SLC10A7: variants seen among roughly 807,000 people sequenced by gnomAD.
The protein encoded by SLC10A7 is solute carrier family 10 member 7.
A neutral mutation model predicts 43.2 loss-of-function variants in SLC10A7; 29 were observed. The ratio of observed to expected loss-of-function variants is 0.67; its 90% CI spans 0.50 to 0.92. SLC10A7 has a LOEUF of 0.92. Among genes scored for constraint, SLC10A7 ranks in the 40% least tolerant of loss-of-function variants. The pLI, the probability that SLC10A7 is intolerant of heterozygous loss-of-function variation, is 0.00. For missense variants in SLC10A7, 295 were observed against 403.2 expected (o/e 0.73, Z 2.30); for synonymous variants, 152 against 144.8 (o/e 1.05, Z -0.35).
intron 5 of SLC10A7, 93 bp from the exon 6 acceptor site, chr4:146,326,089 A>G (rs910266565): frequency 5.0e-6 from 5 of 1,003,872 alleles, no homozygotes; most frequent in Admixed American, 2.3e-5. Context: ...AGGAGTGCTT[A>G]TCTTCTCACT....
chr4:146,298,168 A>G (rs1335805896), intron 7 of SLC10A7, among the ~76,000 whole-genome samples: 1 of 152,204 alleles, frequency 6.6e-6, no homozygotes, highest in Non-Finnish European at 1.5e-5. Context: ...CATCTGTGAT[A>G]TAACAGTAGT....
At chr4:146,498,743 T>G (rs557748695) in intron 4 of SLC10A7, among the ~76,000 whole-genome samples, 7 of 152,336 alleles carry the variant, frequency 4.6e-5, no homozygotes, top group African/African-American at 1.7e-4. Flanking sequence ...GCACATACAT[T>G]GAGTTCCTTC....
At chr4:146,413,621 G>A (rs1728354290) in intron 5 of SLC10A7, among the ~76,000 whole-genome samples, 1 of 152,080 alleles carries the variant, frequency 6.6e-6, no homozygotes, top group Non-Finnish European at 1.5e-5. Context: ...GAAATATTAT[G>A]AAAATATTAA....
chr4:146,519,099 ATATATATATATAT>A (rs377613280), intron 1 of SLC10A7, among the ~76,000 whole-genome samples: 15,845 of 68,414 alleles, frequency 0.23, 2,488 homozygotes, highest in East Asian at 0.36. Context: ...ATATATATAT[ATATATATATATAT>A]AATATAATAT....
intron 9 of SLC10A7, among the ~76,000 whole-genome samples, chr4:146,286,491 G>C (rs1219985409): frequency 2.0e-5 from 3 of 149,956 alleles, no homozygotes; most frequent in Non-Finnish European, 3.0e-5. Context: ...ACTGAGTTTG[G>C]AGTGGTGAGA....
chr4:146,297,076 A>T (rs990876352), intron 7 of SLC10A7, among the ~76,000 whole-genome samples: 46 of 152,148 alleles, frequency 3.0e-4, no homozygotes, highest in Non-Finnish European at 1.0e-4. Context: ...ATCCAAGATG[A>T]GGTGGGAGAA....
At chr4:146,327,319 C>A (rs1343394427) in intron 5 of SLC10A7, among the ~76,000 whole-genome samples, 2 of 152,202 alleles carry the variant, frequency 1.3e-5, no homozygotes, top group African/African-American at 4.8e-5. Context: ...ATCTAAGAAT[C>A]ACTTTAAATC....
At chr4:146,360,626 G>GT (rs1458971483) in intron 5 of SLC10A7, among the ~76,000 whole-genome samples, 3 of 151,714 alleles carry the variant, frequency 2.0e-5, no homozygotes, top group East Asian at 1.9e-4. Flanking sequence ...TTGTTTGTTT[G>GT]TTTTTTTGTT....
chr4:146,473,681 G>C (rs1733783515), intron 4 of SLC10A7, among the ~76,000 whole-genome samples: 1 of 151,874 alleles, frequency 6.6e-6, no homozygotes, highest in African/African-American at 2.4e-5. Flanking sequence ...CTACCAATTT[G>C]GCTAGGGAAA....
At chr4:146,464,309 T>C (rs1732813028) in intron 4 of SLC10A7, among the ~76,000 whole-genome samples, 1 of 152,170 alleles carries the variant, frequency 6.6e-6, no homozygotes, top group Non-Finnish European at 1.5e-5. Context: ...GTATGACTCA[T>C]TTCATTAAAC....
chr4:146,273,355 G>C (rs1729008329), intron 10 of SLC10A7, among the ~76,000 whole-genome samples: 1 of 152,138 alleles, frequency 6.6e-6, no homozygotes, highest in South Asian at 2.1e-4. Context: ...CATCTAGAGG[G>C]CTGGGTGGTG....
intron 5 of SLC10A7, among the ~76,000 whole-genome samples, chr4:146,439,034 A>G (rs1043911459): frequency 3.3e-5 from 5 of 152,056 alleles, no homozygotes; most frequent in Admixed American, 6.5e-5. Context: ...ATCACTTACT[A>G]TGCTCCACAA....
chr4:146,396,026 G>A (rs184545325), intron 5 of SLC10A7, among the ~76,000 whole-genome samples: 158 of 152,200 alleles, frequency 1.0e-3, no homozygotes, highest in African/African-American at 3.6e-3. Flanking sequence ...GACAATCTAC[G>A]AGGTTTTTCT....
At chr4:146,306,107 C>A in intron 6 of SLC10A7, 98 bp from the exon 7 acceptor site, 3 of 942,320 alleles carry the variant, frequency 3.2e-6, no homozygotes, top group Non-Finnish European at 2.9e-6. Flanking sequence ...TCAGGCGCAC[C>A]AAAAATTTGG....
chr4:146,322,122 G>A (rs1172037029), intron 6 of SLC10A7, among the ~76,000 whole-genome samples: 1 of 152,136 alleles, frequency 6.6e-6, no homozygotes, highest in African/African-American at 2.4e-5. Context: ...ATGGGTCTGT[G>A]AGTAGGGGAA....
intron 4 of SLC10A7, among the ~76,000 whole-genome samples, chr4:146,443,109 T>C (rs890817927): frequency 6.6e-6 from 1 of 152,310 alleles, no homozygotes; most frequent in South Asian, 2.1e-4. Context: ...CAATACTAAA[T>C]TGAGACCATG....
intron 4 of SLC10A7, among the ~76,000 whole-genome samples, chr4:146,449,007 A>G (rs1052620067): frequency 6.6e-6 from 1 of 152,208 alleles, no homozygotes; most frequent in African/African-American, 2.4e-5. Context: ...GGTGATATCT[A>G]CAAATGAAGA....
chr4:146,376,795 C>T lies in SLC10A7; in HGVS notation c.436-50799G>A, dbSNP rs573439473. 7.9e-5 allele frequency among the ~76,000 whole-genome samples: 12 copies of T among 152,306 alleles called. No homozygotes were observed. In the South Asian group the frequency reaches 2.5e-3, roughly 32 times the overall value. Reference sequence around the variant, plus strand: ...GCGACTGTATATTGAACAAAGGAGACAAGGTCATTTATAACCTGATGCGTC... The same window carrying T: ...GCGACTGTATATTGAACAAAGGAGATAAGGTCATTTATAACCTGATGCGTC... On this transcript the variant is annotated intron_variant, in intron 5 of 11. Transcript: ENST00000335472.
intron 4 of SLC10A7, among the ~76,000 whole-genome samples, chr4:146,476,819 A>G (rs1734064788): frequency 6.6e-6 from 1 of 152,188 alleles, no homozygotes; most frequent in African/African-American, 2.4e-5. Flanking sequence ...GAAGACAGTT[A>G]ACTAGACTGG....
Sources: allele counts gnomAD v4.1 joint callset (sites outside exome capture counted in the v4.1 genomes callset), GRCh38; gene constraint gnomAD v4.1.1; transcripts MANE v1.5; gene names NCBI Gene and HGNC (gene_info 2026-07-23, HGNC 2026-07-21).